Variants in TNS2 observed in about 807,000 individuals in gnomAD.
TNS2 encodes the protein tensin-2.
Under a neutral mutation model 155.7 loss-of-function variants are expected in TNS2, and 77 were observed. The observed-to-expected ratio is 0.49, with a 90% CI of 0.41 to 0.60. The LOEUF (loss-of-function observed/expected upper bound fraction) is 0.60. TNS2 is among the 20% of genes least tolerant of loss of function. The pLI, the probability that TNS2 is intolerant of heterozygous loss-of-function variation, is 0.00. For missense variants in TNS2, 1,703 were observed against 1,868.8 expected, an observed-to-expected ratio of 0.91 and a Z score of 1.64; for synonymous variants, 726 against 763.9, an observed-to-expected ratio of 0.95 and a Z score of 0.82.
chr12:53,052,601 C>G, intron 3 of TNS2, 109 bp downstream of exon 3: 3 of 1,444,216 alleles, frequency 2.1e-6, no homozygotes, highest in Non-Finnish European at 2.9e-6. Flanking sequence ...CCACCCCTCT[C>G]ACCACTGGGG....
At chr12:53,056,489 C>A (rs905325004) in intron 10 of TNS2, 1 of 154,526 alleles carries the variant, frequency 6.5e-6, no homozygotes, top group African/African-American at 2.4e-5. Flanking sequence ...TGGAATCCTT[C>A]CTTGTCTCTT....
intron 2 of TNS2, 87 bp from the exon 3 acceptor site, chr12:53,052,355 CCCAGGGTCTGGTT>C: frequency 6.7e-7 from 1 of 1,495,300 alleles, no homozygotes; most frequent in East Asian, 2.3e-5. Flanking sequence ...TCTTGGAAGT[CCCAGGGTCTGGTT>C]CCAGGGTCTG....
In TNS2 at chr12:53,064,036, T is replaced by G; in HGVS notation, c.*154T>G. Reference sequence around the variant, plus strand: ...CATCAGGCCTGGGACACTGCTCTCCTTCCCCGCCCCCAGCCTGCTAAGTTA... The same window carrying G: ...CATCAGGCCTGGGACACTGCTCTCCGTCCCCGCCCCCAGCCTGCTAAGTTA... On this transcript the variant is annotated 3_prime_UTR_variant, in exon 29 of 29. Transcript: ENST00000314250. 5.1e-6 allele frequency: 4 copies of G among 781,530 alleles called. No individual in the cohort carries two copies. The highest frequency in any genetic ancestry group is 7.9e-6 in the Non-Finnish European group (4 of 504,028). The allele number at this position is 781,530 out of a possible 1,614,324, so 48.4% of individuals were successfully genotyped here. A position where few individuals can be genotyped will look rare whatever the true frequency, so the allele number is the denominator to read the frequency against.
intron 7 of TNS2, among the ~76,000 whole-genome samples, chr12:53,054,839 ATTTTTTTTTTTTTT>A (rs71095973): frequency 3.2e-5 from 3 of 94,274 alleles, no homozygotes; most frequent in African/African-American, 4.7e-5. Context: ...CGCCCAGCCA[ATTTTTTTTTTTTTT>A]TTTTTTTTTT....
intron 1 of TNS2, 68 bp from the exon 2 acceptor site, chr12:53,051,787 T>G: frequency 7.8e-7 from 1 of 1,273,970 alleles, no homozygotes; most frequent in Non-Finnish European, 1.1e-6. Context: ...GCAAGGCTCC[T>G]GCCCAGTCCC....
At chr12:53,056,128 G>C in intron 10 of TNS2, 1 of 314,908 alleles carries the variant, frequency 3.2e-6, no homozygotes, top group Non-Finnish European at 5.9e-6. Context: ...GGCTGAGGTG[G>C]GCAGGTCACC....
intron 3 of TNS2, 79 bp downstream of exon 3, chr12:53,052,571 C>G: frequency 6.3e-7 from 1 of 1,575,158 alleles, no homozygotes; most frequent in Non-Finnish European, 8.7e-7. Flanking sequence ...TGCAACCACA[C>G]TGGCATCAAC....
Position 53,059,551 on chromosome 12 carries a change from C to T in TNS2, c.1910C>T (p.Ser637Leu), listed in dbSNP as rs148720959. Residue 637 changes from serine to leucine, a missense_variant, in exon 18 of 29, where the codon TCG becomes TTG. Ser to Leu is a moderately radical substitution (Grantham distance 145, BLOSUM62 -2). Coordinates refer to ENST00000314250, the MANE Select transcript of TNS2 (RefSeq NM_170754.4). This position sits in a 1 kb window ranked among gnomAD's most constrained non-coding sequence, Gnocchi z 4.7. Reference sequence around the variant, plus strand: ...TCCCCCCAGGGCTACGCCGAGGCCTCGATGGAGAAGAGGCGCCTCTGCCGA... The same window carrying T: ...TCCCCCCAGGGCTACGCCGAGGCCTTGATGGAGAAGAGGCGCCTCTGCCGA... The part of the protein sequence containing the change: ...EGSPQGYAEA[S>L]MEKRRLCRSL... The T allele has an allele frequency of 1.5e-5, 24 of 1,594,226 alleles. No individual in the cohort carries two copies. The highest frequency in any genetic ancestry group is 1.2e-4 in the Admixed American group (7 of 57,140).
upstream of TNS2, chr12:53,050,016 G>C: frequency 5.0e-6 from 7 of 1,413,934 alleles, no homozygotes; most frequent in Admixed American, 2.9e-5. The surrounding 1 kb of genome is among the most constrained non-coding windows in gnomAD (Gnocchi z 4.7). Context: ...CCCCCTTCCC[G>C]CCTGCACTTC....
intron 6 of TNS2, 82 bp from the exon 7 acceptor site, chr12:53,054,188 G>T: frequency 6.2e-7 from 1 of 1,600,120 alleles, no homozygotes. Context: ...TTCACCTGCT[G>T]CCCAACAGAC....
chr12:53,060,049 G>T lies in TNS2; in HGVS notation c.2408G>T (p.Gly803Val), dbSNP rs770701211. ...GAVPSYCPAY[G>V]RVPHSCGSPG... ...GTTCCCAGTTACTGCCCAGCATATG[G>T]CCGTGTGCCTCATAGCTGTGGCTCT... The change falls in exon 18 of 29, where the codon GGC becomes GTC. Residue 803 changes from glycine (G) to valine (V), a missense_variant. Transcript: ENST00000314250. This position sits in a 1 kb window ranked among gnomAD's most constrained non-coding sequence, Gnocchi z 6.1. 2 of 1,613,470 alleles carry T rather than the reference G, an allele frequency of 1.2e-6. No homozygotes were observed. The highest frequency in any genetic ancestry group is 3.3e-5 in the Admixed American group (2 of 60,000).
intron 1 of TNS2, among the ~76,000 whole-genome samples, chr12:53,051,421 A>ACTTC (rs1943926862): frequency 6.6e-6 from 1 of 152,236 alleles, no homozygotes; most frequent in Non-Finnish European, 1.5e-5. Context: ...CTGCCGGCTC[A>ACTTC]GTCTGGTGCT....
chr12:53,052,257 T>G, intron 2 of TNS2, 198 bp from the exon 3 acceptor site: 1 of 689,324 alleles, frequency 1.5e-6, no homozygotes. Context: ...ACGTTACCCC[T>G]GGCCTGGGCA....
At position 53,058,360 on chromosome 12, in the gene TNS2, C is replaced by T. The variant is rs1372981603; in HGVS notation, c.1140C>T (p.Leu380=). ...GTGGCCGGGGCACAGACCGGACCCT[C>T]GTGTTCCGAGTCCAGTTCCACACCT... The part of the protein sequence containing the change: ...HKGGRGTDRT[L]VFRVQFHTCT... Residue 380 remains leucine, a synonymous_variant, in exon 15 of 29, where the codon CTC becomes CTT. Transcript: ENST00000314250. The T allele has an allele frequency of 6.2e-6, 10 of 1,614,060 alleles. No homozygotes were observed. Among genetic ancestry groups the T allele is most frequent in the Non-Finnish European group, 8.5e-6 (10 of 1,180,034 alleles).
Position 53,052,444 on chromosome 12 carries a change from A to G in TNS2, c.185-11A>G. 2 of 1,613,514 alleles carry G rather than the reference A, an allele frequency of 1.2e-6. No homozygotes were observed. Among genetic ancestry groups the G allele is most frequent in the Non-Finnish European group, 1.7e-6 (2 of 1,179,732 alleles). Reference sequence around the variant, plus strand: ...CCCTGCTAACCCCTCTCCTCCCCTTACCTTCCCTAGTCTGCAAGGTGGCGA... The same window carrying G: ...CCCTGCTAACCCCTCTCCTCCCCTTGCCTTCCCTAGTCTGCAAGGTGGCGA... On this transcript the variant is annotated splice_polypyrimidine_tract_variant and intron_variant, in intron 2 of 28. Coordinates refer to ENST00000314250, the MANE Select transcript of TNS2 (RefSeq NM_170754.4).
chr12:53,047,376 G>T (rs1943760639), upstream of TNS2, among the ~76,000 whole-genome samples: 1 of 145,842 alleles, frequency 6.9e-6, no homozygotes, highest in Non-Finnish European at 1.5e-5. Context: ...CCCCGCAGGT[G>T]AGTGGCCGCG....
chr12:53,058,351 C>A lies in TNS2; in HGVS notation c.1131C>A (p.Asp377Glu). The change falls in exon 15 of 29, where the codon GAC becomes GAA. Residue 377 changes from aspartate to glutamate, a missense_variant. Coordinates refer to ENST00000314250, the MANE Select transcript of TNS2 (RefSeq NM_170754.4). ...TCYHKGGRGT[D>E]RTLVFRVQFH... ...ATCACAAGGGTGGCCGGGGCACAGA[C>A]CGGACCCTCGTGTTCCGAGTCCAGT... 6.2e-7 allele frequency: 1 copy of A among 1,614,180 alleles called. No homozygotes were observed. Among genetic ancestry groups the A allele is most frequent in the South Asian group, 1.1e-5 (1 of 91,086 alleles).
At position 53,060,788 on chromosome 12, in the gene TNS2, C is replaced by A. The variant is rs550410983; in HGVS notation, c.2882C>A (p.Pro961Gln). ...GGCACCGGAAAGGCCCCTGAGCTGC[C>A]GTCGGGAAGTGGGCCTGAGCCTCTG... is the stretch of plus-strand genomic sequence containing the variant. The part of the protein sequence containing the change: ...QAGTGKAPEL[P>Q]SGSGPEPLAP... The change falls in exon 20 of 29, where the codon CCG (proline) becomes CAG (glutamine). Residue 961 changes from proline (P) to glutamine (Q), a missense_variant. Pro to Gln is a moderately conservative substitution (Grantham distance 76). Transcript: ENST00000314250. This position sits in a 1 kb window ranked among gnomAD's most constrained non-coding sequence, Gnocchi z 6.1. 1 of 1,612,118 alleles carries A rather than the reference C, an allele frequency of 6.2e-7. No homozygotes were observed. Among genetic ancestry groups the A allele is most frequent in the African/African-American group, 1.3e-5 (1 of 75,020 alleles).
upstream of TNS2, chr12:53,049,125 G>A (rs755431003): frequency 1.3e-6 from 2 of 1,538,136 alleles, no homozygotes; most frequent in African/African-American, 2.8e-5. Context: ...CATGTTCCCA[G>A]GAGGGAGGCC....
Sources: allele counts gnomAD v4.1 joint callset (sites outside exome capture counted in the v4.1 genomes callset), GRCh38; gene constraint gnomAD v4.1.1; non-coding constraint Gnocchi (gnomAD v3.1); transcripts MANE v1.5; gene names NCBI Gene and HGNC (gene_info 2026-07-23, HGNC 2026-07-21).